The following ASMT variants were observed in gnomAD, a reference collection of about 807,000 sequenced individuals.
ASMT encodes the protein acetylserotonin N-methyltransferase.
Under a neutral mutation model 41.3 loss-of-function variants are expected in ASMT, and 53 were observed. The observed-to-expected ratio is 1.28, with a 90% confidence interval of 1.03 to 1.61. The LOEUF is 1.61. Among genes scored for constraint, ASMT ranks in the 40% most tolerant of loss-of-function variants. ASMT has a pLI of 0.00. For missense variants in ASMT, 531 were observed against 441.3 expected (o/e 1.20, Z -1.82); for synonymous variants, 231 against 184.8 (o/e 1.25, Z -2.03).
rs1224004921 is a variant in ASMT at position 1,633,087 on chromosome X, G to A, written c.647-63G>A. On this transcript the variant is annotated intron_variant, in intron 6 of 8. Coordinates refer to ENST00000381241, the MANE Select transcript of ASMT (RefSeq NM_001171038.2). ...GACCCTTCATGAGTCCATGGTGTGT[G>A]GAGGGTGAGCGATGTCTCTCAGGTT... 3.7e-6 allele frequency: 6 copies of A among 1,603,966 alleles called. No homozygotes were observed. In the African/African-American group the frequency reaches 5.4e-5, roughly 14 times the overall value.
intron 3 of ASMT, among the ~76,000 whole-genome samples, chrX:1,625,910 G>A (rs781720625): frequency 2.6e-4 from 36 of 136,918 alleles, no homozygotes; most frequent in East Asian, 1.6e-3. Context: ...AGCCAAGATC[G>A]CACCACTGCA....
At chrX:1,625,389 A>G (rs1934495606) in intron 3 of ASMT, among the ~76,000 whole-genome samples, 1 of 151,022 alleles carries the variant, frequency 6.6e-6, no homozygotes, top group Non-Finnish European at 1.5e-5. Context: ...CCAGCTACTC[A>G]GGAGGCTAAG....
chrX:1,616,912 G>A (rs1263507671), intron 1 of ASMT, among the ~76,000 whole-genome samples: 5 of 151,900 alleles, frequency 3.3e-5, no homozygotes, highest in Admixed American at 6.6e-5. Flanking sequence ...GTTTCACCGT[G>A]TTAGCCAGGA....
Position 1,629,096 on chromosome X carries a change from ATG to A in ASMT, c.444-719_444-718del, listed in dbSNP as rs1276764904. Among the ~76,000 whole-genome samples the A allele has an allele frequency of 4.5e-3, 524 of 116,234 alleles. 5 individuals are homozygous for A. Among genetic ancestry groups the A allele is most frequent in the African/African-American group, 0.016 (485 of 30,484 alleles). 76.3% of individuals were successfully genotyped at this position (116,234 alleles called of 152,430 possible). A position where few individuals can be genotyped will look rare whatever the true frequency, so the allele number is the denominator to read the frequency against. ...CTTTCCTTTCTTTATATATATATAT[ATG>A]TGTGTATACATGTGTATGTGTATGT... On this transcript the variant is annotated intron_variant, in intron 4 of 8. Coordinates refer to ENST00000381241, the MANE Select transcript of ASMT (RefSeq NM_001171038.2).
intron 3 of ASMT, among the ~76,000 whole-genome samples, chrX:1,625,250 A>G (rs1934490200): frequency 6.6e-6 from 1 of 150,944 alleles, no homozygotes; most frequent in South Asian, 2.1e-4. Context: ...GACTACAGGA[A>G]CCCGCCACCA....
rs1374740451 is a variant in ASMT, at chrX:1,636,568, G to A, written c.910+8G>A. 1 of 1,221,478 alleles carries A rather than the reference G, an allele frequency of 8.2e-7. No homozygotes were observed. The highest frequency in any genetic ancestry group is 1.1e-6 in the Non-Finnish European group (1 of 909,966). 75.7% of individuals were successfully genotyped at this position (1,221,478 alleles called of 1,614,324 possible). On this transcript the variant is annotated splice_region_variant and intron_variant, in intron 8 of 8. Coordinates refer to ENST00000381241, the MANE Select transcript of ASMT (RefSeq NM_001171038.2). ...ACCACACTTGCAAGCCAGGTAAGTT[G>A]TGGGGTTTGCATTTCAGCGTGTGCT... is the stretch of plus-strand genomic sequence containing the variant.
chrX:1,633,390 C>G, intron 7 of ASMT, 100 bp downstream of exon 7: 2 of 1,483,476 alleles, frequency 1.3e-6, no homozygotes, highest in Admixed American at 3.4e-5. Context: ...TGGTTTTCCT[C>G]TCACTCCCGG....
intron 8 of ASMT, among the ~76,000 whole-genome samples, chrX:1,641,446 ATG>A (rs1935156864): frequency 6.8e-6 from 1 of 147,014 alleles, no homozygotes; most frequent in Non-Finnish European, 1.5e-5. Context: ...TCTGTGTGTG[ATG>A]GGGACAGTGT....
chrX:1,635,816 C>G (rs1224142392), intron 7 of ASMT, among the ~76,000 whole-genome samples: 10 of 151,756 alleles, frequency 6.6e-5, no homozygotes, highest in Non-Finnish European at 1.5e-4. Context: ...GAGCTGAGAT[C>G]AGGCCCTTGC....
At chrX:1,641,997 C>G (rs6655374) in intron 8 of ASMT, among the ~76,000 whole-genome samples, 38 of 139,844 alleles carry the variant, frequency 2.7e-4, no homozygotes, top group South Asian at 1.4e-3. Context: ...TTCATGAGGA[C>G]GTGGGCACAG....
At chrX:1,640,488 G>A (rs1379403369) in intron 8 of ASMT, among the ~76,000 whole-genome samples, 2 of 51,954 alleles carry the variant, frequency 3.8e-5, no homozygotes, top group African/African-American at 1.6e-4. Flanking sequence ...CTCCTGTGAG[G>A]TCCACCCATC....
chrX:1,623,495 A>G lies in ASMT; in HGVS notation c.244+182A>G, dbSNP rs749082165. 3.6e-5 allele frequency: 9 copies of G among 247,876 alleles called. No homozygotes were observed. The East Asian group carries it at 7.2e-4, about 20-fold the overall frequency. 15.4% of individuals were successfully genotyped at this position (247,876 alleles called of 1,614,324 possible). ...GCACCTGTCATCCCAGCTACTCAGG[A>G]GGCTGAGGCAGGAGAATGGCATGAA... On this transcript the variant is annotated intron_variant, in intron 2 of 8. Coordinates refer to ENST00000381241, the MANE Select transcript of ASMT (RefSeq NM_001171038.2).
chrX:1,636,326 G>C, intron 7 of ASMT, 112 bp from the exon 8 acceptor site: 1 of 1,506,400 alleles, frequency 6.6e-7, no homozygotes, highest in South Asian at 1.1e-5. Context: ...GACTAGCCTG[G>C]AAGACCTGGG....
chrX:1,630,300 AT>A (rs36011956), intron 5 of ASMT, among the ~76,000 whole-genome samples: 866 of 70,986 alleles, frequency 0.012, 10 homozygotes, highest in African/African-American at 0.045. Flanking sequence ...CACCAGGCTA[AT>A]TTTTTTTTTT....
intron 3 of ASMT, among the ~76,000 whole-genome samples, chrX:1,624,963 G>T (rs1213339060): frequency 6.6e-6 from 1 of 151,952 alleles, no homozygotes; most frequent in Non-Finnish European, 1.5e-5. Flanking sequence ...GGAGGTGGGG[G>T]CTGACCCCAG....
chrX:1,630,865 A>C (rs1934746722), intron 5 of ASMT, among the ~76,000 whole-genome samples: 1 of 89,692 alleles, frequency 1.1e-5, no homozygotes, highest in Non-Finnish European at 2.3e-5. Context: ...GGCTGAGCTG[A>C]GCTTGTTTTA....
intron 4 of ASMT, among the ~76,000 whole-genome samples, chrX:1,628,491 C>T (rs1410622452): frequency 2.0e-5 from 3 of 151,986 alleles, no homozygotes; most frequent in Non-Finnish European, 4.4e-5. Flanking sequence ...TTGATGGGCC[C>T]GTCCAGTGTT....
intron 4 of ASMT, among the ~76,000 whole-genome samples, chrX:1,629,459 GTGGACC>G: frequency 6.6e-6 from 1 of 152,146 alleles, no homozygotes; most frequent in Admixed American, 6.6e-5. Flanking sequence ...CCCAGGATGT[GTGGACC>G]TCCCACCCGC....
chrX:1,618,472 G>A (rs1305322242), intron 1 of ASMT, among the ~76,000 whole-genome samples: 1 of 144,136 alleles, frequency 6.9e-6, no homozygotes, highest in East Asian at 2.1e-4. Flanking sequence ...CTAATTTTTT[G>A]TAGTTTTGGT....
Sources: allele counts gnomAD v4.1 joint callset (sites outside exome capture counted in the v4.1 genomes callset), GRCh38; gene constraint gnomAD v4.1.1; transcripts MANE v1.5; gene names NCBI Gene and HGNC (gene_info 2026-07-23, HGNC 2026-07-21).